Variants in RMND1 observed in about 807,000 individuals in gnomAD.
RMND1 encodes required for meiotic nuclear division 1 homolog.
Under a neutral mutation model 54.0 loss-of-function variants are expected in RMND1, and 41 were observed. The ratio of observed to expected loss-of-function variants is 0.76; its 90% CI spans 0.59 to 0.98. The LOEUF is 0.98. Among genes scored for constraint, RMND1 ranks in the 50% least tolerant of loss-of-function variants. RMND1 has a pLI of 0.00. For synonymous variants in RMND1, 183 were observed against 181.7 expected, an observed-to-expected ratio of 1.01 and a Z score of -0.06; for missense variants, 457 against 532.0, an observed-to-expected ratio of 0.86 and a Z score of 1.39.
intron 4 of RMND1, among the ~76,000 whole-genome samples, chr6:151,432,205 G>A (rs1780467703): frequency 6.6e-6 from 1 of 152,132 alleles, no homozygotes; most frequent in South Asian, 2.1e-4. Context: ...CCAAAGTGCT[G>A]GGATTACAGG....
chr6:151,445,237 G>A (rs556855988), intron 2 of RMND1, 71 bp downstream of exon 2: 1 of 1,490,588 alleles, frequency 6.7e-7, no homozygotes, highest in South Asian at 1.4e-5. Context: ...GTAAGGCTGG[G>A]GTGCAACGCA....
At chr6:151,451,198 T>TA (rs58457871) in intron 1 of RMND1, among the ~76,000 whole-genome samples, 15,961 of 113,192 alleles carry the variant, frequency 0.14, 1,236 homozygotes, top group East Asian at 0.37. Flanking sequence ...GAATGATCAA[T>TA]AAAAAAAAAA....
At chr6:151,432,322 T>C (rs1238642654) in intron 4 of RMND1, among the ~76,000 whole-genome samples, 1 of 152,188 alleles carries the variant, frequency 6.6e-6, no homozygotes, top group Non-Finnish European at 1.5e-5. Context: ...ACAGGGATGC[T>C]ATTACTCTAC....
chr6:151,411,617 C>T (rs1187799909), intron 10 of RMND1: 1 of 152,134 alleles, frequency 6.6e-6, no homozygotes, highest in Non-Finnish European at 1.5e-5. Flanking sequence ...GGTGGGTATC[C>T]TCAGTTGCAG....
At chr6:151,410,337 G>C (rs1047418108) in intron 10 of RMND1, among the ~76,000 whole-genome samples, 36 of 152,278 alleles carry the variant, frequency 2.4e-4, no homozygotes, top group African/African-American at 8.4e-4. Flanking sequence ...TTACAGGCAT[G>C]AGCCACCGCA....
chr6:151,445,646 C>T lies in RMND1; in HGVS notation c.166G>A (p.Asp56Asn). The change falls in exon 2 of 12, where the codon GAT becomes AAT. Residue 56 changes from aspartate (D) to asparagine (N), a missense_variant. Transcript: ENST00000444024. ...IRQSLDLFLP[D>N]KTASGLNKSQ... ...TTATTCAAACCACTAGCTGTTTTAT[C>T]AGGAAGGAACAAATCCAAGCTTTGA... is the stretch of plus-strand genomic sequence containing the variant. 2 of 1,614,160 alleles carry T rather than the reference C, an allele frequency of 1.2e-6. No homozygotes were observed. Among genetic ancestry groups the T allele is most frequent in the African/African-American group, 1.3e-5 (1 of 75,040 alleles).
At chr6:151,434,409 ATT>A (rs11398229) in intron 3 of RMND1, among the ~76,000 whole-genome samples, 2 of 146,574 alleles carry the variant, frequency 1.4e-5, no homozygotes, top group Non-Finnish European at 3.0e-5. Context: ...CAAAACTGTG[ATT>A]TTTTTTTTTT....
At chr6:151,408,543 C>T (rs1779707849) in intron 10 of RMND1, 1 of 152,096 alleles carries the variant, frequency 6.6e-6, no homozygotes, top group South Asian at 2.1e-4. Flanking sequence ...ATGTCCCCCA[C>T]CCCAAAGAGA....
At chr6:151,409,656 A>G (rs1379578008) in intron 10 of RMND1, among the ~76,000 whole-genome samples, 1 of 152,248 alleles carries the variant, frequency 6.6e-6, no homozygotes, top group Non-Finnish European at 1.5e-5. Flanking sequence ...ACAATTTTTA[A>G]AAGGATGCGA....
rs1780931532 is a variant in RMND1 at position 151,445,589 on chromosome 6, A to G, written c.223T>C (p.Ser75Pro). The G allele has an allele frequency of 6.2e-7, 1 of 1,614,072 alleles. No homozygotes were observed. Among genetic ancestry groups the G allele is most frequent in the African/African-American group, 1.3e-5 (1 of 74,924 alleles). ...AATGGAGACAGCATGCTGGTATCTGACTTTTTTTGGTTCATTTCCAGGATC... is the reference window on the plus strand; with the variant it reads ...AATGGAGACAGCATGCTGGTATCTGGCTTTTTTTGGTTCATTTCCAGGATC... ...SQILEMNQKK[S>P]DTSMLSPLNA... is the part of the protein sequence containing the mutation. The change falls in exon 2 of 12, where the codon TCA becomes CCA. Residue 75 changes from serine to proline, a missense_variant. Ser to Pro is a moderately conservative substitution (Grantham distance 74, BLOSUM62 -1). Transcript: ENST00000444024.
At chr6:151,407,781 CCT>C (rs1370779390) in intron 10 of RMND1, among the ~76,000 whole-genome samples, 3 of 152,068 alleles carry the variant, frequency 2.0e-5, no homozygotes, top group South Asian at 2.1e-4. Flanking sequence ...TGTGGCGGCC[CCT>C]GTTGTCCCAG....
chr6:151,450,140 C>T lies in RMND1; in HGVS notation c.-15+1876G>A, dbSNP rs1430861119. Among the ~76,000 whole-genome samples the T allele has an allele frequency of 3.3e-5, 4 of 122,040 alleles. No individual in the cohort carries two copies. In the East Asian group the frequency reaches 1.6e-3, roughly 49 times the overall value. The allele number at this position is 122,040 out of a possible 152,430, so 80.1% of individuals were successfully genotyped here. On this transcript the variant is annotated intron_variant, in intron 1 of 11. Transcript: ENST00000444024. Reference sequence around the variant, plus strand: ...GAAAGTGAGGAGCGTCTCTGCCCGGCCGCCATCCCATCTAGGAAGTGAGGA... The same window carrying T: ...GAAAGTGAGGAGCGTCTCTGCCCGGTCGCCATCCCATCTAGGAAGTGAGGA...
chr6:151,445,294 C>CA lies in RMND1; in HGVS notation c.504+13dup, dbSNP rs1288042529. ...GATCACTAAGCACGAGAGCCACGGCCACCCCTACTTTACCTCGTTCACAGA... is the reference window on the plus strand; with the variant it reads ...GATCACTAAGCACGAGAGCCACGGCCAACCCCTACTTTACCTCGTTCACAGA... On this transcript the variant is annotated intron_variant, in intron 2 of 11. Transcript: ENST00000444024. 5.0e-6 allele frequency: 8 copies of CA among 1,593,188 alleles called. No homozygotes were observed. Among genetic ancestry groups the CA allele is most frequent in the Non-Finnish European group, 6.8e-6 (8 of 1,170,766 alleles).
intron 2 of RMND1, among the ~76,000 whole-genome samples, chr6:151,438,795 CTTTT>C (rs373421938): frequency 1.4e-5 from 2 of 144,046 alleles, no homozygotes; most frequent in Admixed American, 1.4e-4. Flanking sequence ...ATGTGTACTA[CTTTT>C]TTTTTTTTTT....
At chr6:151,421,365 T>C in intron 8 of RMND1, 44 bp from the exon 9 acceptor site, 2 of 1,436,776 alleles carry the variant, frequency 1.4e-6, no homozygotes, top group East Asian at 4.6e-5. Context: ...CATGTATCTC[T>C]CTTTCTAATA....
chr6:151,405,151 T>G lies in RMND1; in HGVS notation c.*84A>C. 3 of 1,246,158 alleles carry G rather than the reference T, an allele frequency of 2.4e-6. No homozygotes were observed. Among genetic ancestry groups the G allele is most frequent in the Non-Finnish European group, 3.5e-6 (3 of 851,590 alleles). The allele number at this position is 1,246,158 out of a possible 1,614,324, so 77.2% of individuals were successfully genotyped here. A position where few individuals can be genotyped will look rare whatever the true frequency, so the allele number is the denominator to read the frequency against. On this transcript the variant is annotated 3_prime_UTR_variant, in exon 12 of 12. Coordinates refer to ENST00000444024, the MANE Select transcript of RMND1 (RefSeq NM_017909.4). ...TCCGAAAGTGCTGGGATTACAGGCA[T>G]GAGGCACCGCGCCGGGCCGAACATT...
At chr6:151,450,412 GC>G (rs1430866518) in intron 1 of RMND1, among the ~76,000 whole-genome samples, 5 of 120,950 alleles carry the variant, frequency 4.1e-5, no homozygotes, top group African/African-American at 5.7e-5. Context: ...GTGGGGGTCA[GC>G]CCCCCGCCCG....
intron 4 of RMND1, among the ~76,000 whole-genome samples, chr6:151,432,167 G>C (rs1228610745): frequency 1.3e-5 from 2 of 152,028 alleles, no homozygotes; most frequent in East Asian, 3.9e-4. Context: ...TCAAACTCCT[G>C]ACCTTGTGAT....
intron 1 of RMND1, among the ~76,000 whole-genome samples, chr6:151,450,680 C>CG (rs1781142428): frequency 6.6e-6 from 1 of 151,458 alleles, no homozygotes; most frequent in African/African-American, 2.4e-5. Context: ...TCTGCCCGGC[C>CG]ACCACCCCGT....
Sources: allele counts gnomAD v4.1 joint callset (sites outside exome capture counted in the v4.1 genomes callset), GRCh38; gene constraint gnomAD v4.1.1; transcripts MANE v1.5; gene names NCBI Gene and HGNC (gene_info 2026-07-23, HGNC 2026-07-21).